DUOX1: variants seen among roughly 807,000 people sequenced by gnomAD.
The protein encoded by DUOX1 is dual oxidase 1.
In DUOX1, 134 loss-of-function variants were observed where a neutral mutation model predicts 181.8. The ratio of observed to expected loss-of-function variants is 0.74; its 90% confidence interval spans 0.64 to 0.85. DUOX1 has a LOEUF of 0.85. Among genes scored for constraint, DUOX1 ranks in the 40% least tolerant of loss-of-function variants. DUOX1 has a pLI of 0.00. For missense variants in DUOX1, 1,814 were observed against 2,064.4 expected (o/e 0.88, Z 2.35); for synonymous variants, 798 against 832.5 (o/e 0.96, Z 0.71).
chr15:45,161,983 G>A lies in DUOX1; in HGVS notation c.4089+13G>A. On this transcript the variant is annotated intron_variant, in intron 30 of 33. Transcript: ENST00000389037. The stretch of plus-strand genomic sequence containing the variant: ...CAGATACCCAAAGGTACCAGACCCT[G>A]GCCAGACATGCCACATGCGCCCATA... 6.3e-7 allele frequency: 1 copy of A among 1,599,440 alleles called. No homozygotes were observed. Among genetic ancestry groups the A allele is most frequent in the Non-Finnish European group, 8.5e-7 (1 of 1,172,342 alleles).
chr15:45,135,483 G>A lies in DUOX1; in HGVS notation c.505G>A (p.Val169Met). The A allele has an allele frequency of 6.4e-7, 1 of 1,553,976 alleles. No homozygotes were observed. Among genetic ancestry groups the A allele is most frequent in the Non-Finnish European group, 8.7e-7 (1 of 1,150,410 alleles). The part of the protein sequence containing the change: ...PSNPRDPANQ[V>M]TGWLDGSAIY... ...GCCGCGTGCCCCGCAGGCCAACCAG[G>A]TGACGGGCTGGCTGGACGGCAGCGC... The change falls in exon 6 of 34, where the codon GTG becomes ATG. Residue 169 changes from valine to methionine, a missense_variant. Val to Met is a conservative substitution (Grantham distance 21). Transcript: ENST00000389037.
At position 45,164,995 on chromosome 15, in the gene DUOX1, TTC is replaced by T; in HGVS notation, c.*98_*99del. ...CTTCCTATTTCTGGCTGCCTCAGCC[TTC>T]TCTGATTTCCCACCTCCCAACCTTG... On this transcript the variant is annotated 3_prime_UTR_variant, in exon 34 of 34. Coordinates refer to ENST00000389037, the MANE Select transcript of DUOX1 (RefSeq NM_175940.3). The T allele has an allele frequency of 1.4e-6, 2 of 1,404,910 alleles. No individual in the cohort carries two copies. The highest frequency in any genetic ancestry group is 2.0e-6 in the Non-Finnish European group (2 of 1,009,242). 87.0% of individuals were successfully genotyped at this position (1,404,910 alleles called of 1,614,324 possible).
At chr15:45,142,438 G>A (rs1227969893) in intron 15 of DUOX1, among the ~76,000 whole-genome samples, 2 of 152,146 alleles carry the variant, frequency 1.3e-5, no homozygotes, top group Non-Finnish European at 2.9e-5. Context: ...TAAGAACAAG[G>A]GCTAAGACGG....
chr15:45,160,053 G>A (rs777710147), intron 28 of DUOX1, among the ~76,000 whole-genome samples: 1 of 152,190 alleles, frequency 6.6e-6, no homozygotes, highest in African/African-American at 2.4e-5. Flanking sequence ...TCGGGAGGCT[G>A]AGGCAGGAGA....
At chr15:45,153,219 TAAAAAAAAAAAAA>T in intron 25 of DUOX1, 148 bp from the exon 26 acceptor site, 19 of 199,232 alleles carry the variant, frequency 9.5e-5, no homozygotes, top group African/African-American at 7.6e-4. Context: ...AGACTCCATC[TAAAAAAAAAAAAA>T]AAAAAAAAAA....
rs772222406 is a variant in DUOX1 at position 45,131,067 on chromosome 15, A to C, written c.-49-851A>C. 6.6e-5 allele frequency among the ~76,000 whole-genome samples: 10 copies of C among 152,166 alleles called. 1 individual carries two copies. The highest frequency in any genetic ancestry group is 1.3e-4 in the Admixed American group (2 of 15,278). On this transcript the variant is annotated intron_variant, in intron 1 of 33. Coordinates refer to ENST00000389037, the MANE Select transcript of DUOX1 (RefSeq NM_175940.3). ...TCACTCCCTGGGTTCTCTCCTCTAGACAACCCATCCAGGAACCCTGATGTT... is the reference window on the plus strand; with the variant it reads ...TCACTCCCTGGGTTCTCTCCTCTAGCCAACCCATCCAGGAACCCTGATGTT...
Position 45,152,388 on chromosome 15 carries a change from A to C in DUOX1, c.3296A>C (p.Tyr1099Ser). 6.2e-7 allele frequency: 1 copy of C among 1,614,132 alleles called. No individual in the cohort carries two copies. Residue 1099 changes from tyrosine (Y) to serine (S), a missense_variant, in exon 25 of 34, where the codon TAC becomes TCC. Coordinates refer to ENST00000389037, the MANE Select transcript of DUOX1 (RefSeq NM_175940.3). ...TAASISFMFS[Y>S]ILLTMCRNLI... ...GCCAGCATCTCTTTCATGTTCTCCT[A>C]CATCTTGCTCACCATGTGCCGCAAC...
At chr15:45,143,966 G>C in intron 16 of DUOX1, 70 bp from the exon 17 acceptor site, 1 of 1,508,928 alleles carries the variant, frequency 6.6e-7, no homozygotes, top group East Asian at 2.3e-5. Context: ...TCAGCCCTGA[G>C]CTGGCCCTCT....
At chr15:45,156,634 T>C (rs1896976323) in intron 28 of DUOX1, among the ~76,000 whole-genome samples, 1 of 152,176 alleles carries the variant, frequency 6.6e-6, no homozygotes. Context: ...GGTTTCACCA[T>C]GTTGGCCAGG....
At chr15:45,162,765 G>A (rs1445594833) in intron 31 of DUOX1, among the ~76,000 whole-genome samples, 2 of 152,272 alleles carry the variant, frequency 1.3e-5, no homozygotes, top group African/African-American at 4.8e-5. Flanking sequence ...GTTGGGTGGA[G>A]CACAAGTGAA....
intron 19 of DUOX1, 48 bp downstream of exon 19, chr15:45,147,706 T>C: frequency 6.2e-7 from 1 of 1,609,602 alleles, no homozygotes; most frequent in Non-Finnish European, 8.5e-7. Context: ...GGCTGATCTG[T>C]TGGAGATGGG....
intron 1 of DUOX1, 52 bp from the exon 2 acceptor site, chr15:45,131,866 C>A: frequency 7.6e-7 from 1 of 1,307,692 alleles, no homozygotes; most frequent in Non-Finnish European, 1.1e-6. Flanking sequence ...CAGAGTCTTT[C>A]ACCTGATTCT....
In DUOX1 at chr15:45,134,266, G is replaced by T; in HGVS notation, c.264G>T (p.Gly88=). Residue 88 remains glycine, a synonymous_variant, in exon 4 of 34, where the codon GGG becomes GGT. Transcript: ENST00000389037. The part of the protein sequence containing the change: ...LSNTISRGPA[G]LASLRNRTVL... Reference sequence around the variant, plus strand: ...ACACCATCTCAAGGGGCCCTGCAGGGCTGGCCTCCCTGAGAAACCGCACAG... The same window carrying T: ...ACACCATCTCAAGGGGCCCTGCAGGTCTGGCCTCCCTGAGAAACCGCACAG... 6.2e-7 allele frequency: 1 copy of T among 1,601,494 alleles called. No individual in the cohort carries two copies. The highest frequency in any genetic ancestry group is 8.5e-7 in the Non-Finnish European group (1 of 1,175,462).
At chr15:45,133,662 C>A (rs929380019) in intron 2 of DUOX1, among the ~76,000 whole-genome samples, 1 of 152,248 alleles carries the variant, frequency 6.6e-6, no homozygotes, top group Admixed American at 6.5e-5. Flanking sequence ...GTCTCCCCCA[C>A]TGAGCAGCTT....
At chr15:45,164,179 G>A (rs1396837595) in intron 33 of DUOX1, among the ~76,000 whole-genome samples, 1 of 152,112 alleles carries the variant, frequency 6.6e-6, no homozygotes, top group Non-Finnish European at 1.5e-5. Flanking sequence ...GCTAGTCCTC[G>A]CCAAAAACTC....
intron 10 of DUOX1, among the ~76,000 whole-genome samples, chr15:45,138,368 T>C (rs549520686): frequency 6.6e-6 from 1 of 152,252 alleles, no homozygotes; most frequent in South Asian, 2.1e-4. Context: ...CCTGTAGGCC[T>C]TGGAGTACCC....
At position 45,150,794 on chromosome 15, in the gene DUOX1, T is replaced by A. The variant is rs925554976; in HGVS notation, c.2888+93T>A. 5 of 1,212,094 alleles carry A rather than the reference T, an allele frequency of 4.1e-6. No homozygotes were observed. The African/African-American group carries it at 7.5e-5, about 18-fold the overall frequency. The allele number at this position is 1,212,094 out of a possible 1,614,324, so 75.1% of individuals were successfully genotyped here. On this transcript the variant is annotated intron_variant, in intron 22 of 33. Coordinates refer to ENST00000389037, the MANE Select transcript of DUOX1 (RefSeq NM_175940.3). ...TGGGATCAGGGCCACCGCTAGCCCATGCAGCACCTTCAAACAAATTAGAAA... is the reference window on the plus strand; with the variant it reads ...TGGGATCAGGGCCACCGCTAGCCCAAGCAGCACCTTCAAACAAATTAGAAA...
At chr15:45,141,853 C>A (rs779451482) in intron 14 of DUOX1, 122 bp from the exon 15 acceptor site, 129 of 1,119,576 alleles carry the variant, frequency 1.2e-4, no homozygotes, top group Non-Finnish European at 1.6e-4. Flanking sequence ...CCCAAGGCAG[C>A]CCCTTCCCCT....
intron 23 of DUOX1, 172 bp from the exon 24 acceptor site, chr15:45,151,702 A>G: frequency 1.5e-6 from 1 of 666,104 alleles, no homozygotes; most frequent in Non-Finnish European, 2.5e-6. Context: ...ATGCAGTGCA[A>G]TATAGCCTGA....
Sources: gnomAD v4.1 joint callset for allele counts (sites outside exome capture counted in the v4.1 genomes callset) on GRCh38, gnomAD v4.1.1 for gene constraint, MANE v1.5 for transcripts, NCBI Gene and HGNC (gene_info 2026-07-23, HGNC 2026-07-21) for gene names.